The following LDLRAD4 variants were observed in gnomAD, a reference collection of about 807,000 sequenced individuals.
LDLRAD4 encodes low density lipoprotein receptor class A domain containing 4.
LDLRAD4 carries 5 observed loss-of-function variants against 17.0 expected under a neutral mutation model. The observed-to-expected ratio is 0.29, with a 90% CI of 0.15 to 0.62. LDLRAD4 has a LOEUF of 0.62. LDLRAD4 is among the 20% of genes least tolerant of loss of function. The probability of loss-of-function intolerance (pLI) is 0.84; values close to 1 mark genes in which losing one functional copy is unlikely to be tolerated. For missense variants in LDLRAD4, 340 were observed against 424.7 expected (o/e 0.80, Z 1.75); for synonymous variants, 168 against 171.8 (o/e 0.98, Z 0.17).
At chr18:13,547,687 G>A (rs764877531) in intron 3 of LDLRAD4, among the ~76,000 whole-genome samples, 50 of 152,200 alleles carry the variant, frequency 3.3e-4, no homozygotes, top group African/African-American at 1.1e-3. Context: ...TACCACAAGC[G>A]GCTTCCACTG....
At chr18:13,463,212 G>A (rs2092496245) in intron 3 of LDLRAD4, among the ~76,000 whole-genome samples, 1 of 152,198 alleles carries the variant, frequency 6.6e-6, no homozygotes, top group African/African-American at 2.4e-5. Flanking sequence ...CCTAAAGGTT[G>A]GCCTTATGGG....
At chr18:13,227,069 A>G (rs961791620) in intron 1 of LDLRAD4, among the ~76,000 whole-genome samples, 1 of 152,148 alleles carries the variant, frequency 6.6e-6, no homozygotes, top group African/African-American at 2.4e-5. Context: ...AAAATTCATG[A>G]TGGGCAGACA....
chr18:13,324,799 A>G (rs1355756227), intron 1 of LDLRAD4, among the ~76,000 whole-genome samples: 1 of 152,202 alleles, frequency 6.6e-6, no homozygotes, highest in Non-Finnish European at 1.5e-5. Context: ...CAACTTCATT[A>G]TTTAAAGAGG....
chr18:13,349,117 C>G (rs992413590), intron 1 of LDLRAD4, among the ~76,000 whole-genome samples: 1 of 152,238 alleles, frequency 6.6e-6, no homozygotes, highest in Non-Finnish European at 1.5e-5. Context: ...GTGAGATGAA[C>G]CCGGTACCAC....
At chr18:13,520,808 G>A (rs879425666) in intron 3 of LDLRAD4, 1 of 151,904 alleles carries the variant, frequency 6.6e-6, no homozygotes. Context: ...AGCCCTGATT[G>A]TGCCACTGCA....
rs777987554 is a variant in LDLRAD4 at position 13,518,569 on chromosome 18, C to T, written c.181+80185C>T. 3.0e-4 allele frequency among the ~76,000 whole-genome samples: 45 copies of T among 152,186 alleles called. 1 individual carries two copies. The highest frequency in any genetic ancestry group is 5.7e-4 in the Non-Finnish European group (39 of 68,032). ...TCCCGTGTTTATGCTGGATCTCACT[C>T]ATGGTGCTTTGTTTCTTGTTTGTTT... On this transcript the variant is annotated intron_variant, in intron 3 of 5. Transcript: ENST00000359446.
intron 2 of LDLRAD4, among the ~76,000 whole-genome samples, chr18:13,411,011 G>C (rs12456383): frequency 6.6e-6 from 1 of 152,110 alleles, no homozygotes; most frequent in South Asian, 2.1e-4. Context: ...AGCACTTTGG[G>C]AGACTGAGGC....
intron 3 of LDLRAD4, among the ~76,000 whole-genome samples, chr18:13,582,106 T>C (rs895591987): frequency 5.9e-5 from 9 of 152,110 alleles, no homozygotes; most frequent in Non-Finnish European, 7.4e-5. Flanking sequence ...TCAAGTGACA[T>C]TACCCCACCC....
At chr18:13,258,049 AAAAG>A (rs746432235) in intron 1 of LDLRAD4, among the ~76,000 whole-genome samples, 2 of 152,236 alleles carry the variant, frequency 1.3e-5, no homozygotes, top group Non-Finnish European at 2.9e-5. Flanking sequence ...ACCCTATCTT[AAAAG>A]AAAGAAAGAA....
intron 2 of LDLRAD4, among the ~76,000 whole-genome samples, chr18:13,421,699 C>T (rs977006049): frequency 3.9e-5 from 6 of 152,224 alleles, no homozygotes; most frequent in African/African-American, 1.2e-4. Context: ...CCCCCTGCCC[C>T]CCACCCACCG....
chr18:13,273,171 A>C (rs1475716430), upstream of LDLRAD4, among the ~76,000 whole-genome samples: 1 of 152,174 alleles, frequency 6.6e-6, no homozygotes, highest in Non-Finnish European at 1.5e-5. Context: ...AAAACATCAT[A>C]AAGCAAGGTT....
intron 1 of LDLRAD4, among the ~76,000 whole-genome samples, chr18:13,234,626 C>T (rs546443505): frequency 6.6e-6 from 1 of 152,280 alleles, no homozygotes; most frequent in South Asian, 2.1e-4. Flanking sequence ...CTCACCTGAG[C>T]CTCCGTGGGT....
At chr18:13,225,677 G>A (rs1248142984) in intron 1 of LDLRAD4, among the ~76,000 whole-genome samples, 1 of 152,142 alleles carries the variant, frequency 6.6e-6, no homozygotes, top group East Asian at 1.9e-4. Flanking sequence ...AAGAGAATTA[G>A]GAAATAGGGA....
At chr18:13,450,573 T>C (rs954810728) in intron 3 of LDLRAD4, among the ~76,000 whole-genome samples, 3 of 152,214 alleles carry the variant, frequency 2.0e-5, no homozygotes, top group African/African-American at 4.8e-5. Context: ...GGCTGGGCTC[T>C]ATGGGCAGGT....
chr18:13,609,530 C>CGCGTGT (rs1555768006), intron 3 of LDLRAD4, among the ~76,000 whole-genome samples: 2 of 149,440 alleles, frequency 1.3e-5, no homozygotes, highest in African/African-American at 5.0e-5. Flanking sequence ...TGTGTGTGTG[C>CGCGTGT]GTGTGTGTGT....
chr18:13,646,212 T>C (rs1011266530), exon 6 of LDLRAD4: 3 of 152,646 alleles, frequency 2.0e-5, no homozygotes, highest in Admixed American at 6.5e-5. Flanking sequence ...AGCTCCTTTG[T>C]GTTGTGATGA....
At chr18:13,412,453 T>G (rs2088465167) in intron 2 of LDLRAD4, among the ~76,000 whole-genome samples, 1 of 152,216 alleles carries the variant, frequency 6.6e-6, no homozygotes. Context: ...TCCATATTTC[T>G]CTATTATAAC....
At chr18:13,558,984 C>T (rs1402924147) in intron 3 of LDLRAD4, among the ~76,000 whole-genome samples, 7 of 151,320 alleles carry the variant, frequency 4.6e-5, no homozygotes, top group Admixed American at 3.3e-4. Flanking sequence ...TAATGCGACT[C>T]GCAGGCACTG....
At chr18:13,390,226 C>T (rs1227139709) in intron 2 of LDLRAD4, among the ~76,000 whole-genome samples, 1 of 152,234 alleles carries the variant, frequency 6.6e-6, no homozygotes, top group African/African-American at 2.4e-5. Flanking sequence ...GTCAGCCTGG[C>T]TGAGGAACAA....
Sources: gnomAD v4.1 joint callset for allele counts (sites outside exome capture counted in the v4.1 genomes callset) on GRCh38, gnomAD v4.1.1 for gene constraint, MANE v1.5 for transcripts, NCBI Gene and HGNC (gene_info 2026-07-23, HGNC 2026-07-21) for gene names.